Variants in NADSYN1 observed in about 807,000 individuals in gnomAD.
The protein encoded by NADSYN1 is NAD synthetase 1, also known as glutamine-dependent NAD(+) synthetase.
NADSYN1 carries 80 observed loss-of-function variants against 99.3 expected under a neutral mutation model. That is an observed-to-expected ratio of 0.81 (90% CI 0.67 to 0.97). The LOEUF (loss-of-function observed/expected upper bound fraction) is 0.97, where lower values mean the gene tolerates loss of function less well. Ranked by LOEUF, NADSYN1 falls within the 50% of genes least tolerant of loss-of-function variation. NADSYN1 has a pLI of 0.00. For synonymous variants in NADSYN1, 385 were observed against 372.1 expected (o/e 1.03, Z -0.40); for missense variants, 859 against 948.5 (o/e 0.91, Z 1.24).
intron 5 of NADSYN1, among the ~76,000 whole-genome samples, chr11:71,466,021 C>A (rs551912549): frequency 7.2e-5 from 11 of 152,244 alleles, no homozygotes; most frequent in Admixed American, 6.5e-4. Flanking sequence ...ATTTCTGGAG[C>A]AAAATTCTTT....
In NADSYN1 at chr11:71,501,418, G is replaced by A. The variant is rs1173433923; in HGVS notation, c.*66G>A. On this transcript the variant is annotated 3_prime_UTR_variant, in exon 21 of 21. Coordinates refer to ENST00000319023, the MANE Select transcript of NADSYN1 (RefSeq NM_018161.5). ...CAGCACCTCATCATCAGCATTGCTG[G>A]AGCCAAGGGTAGGAGCCCTACACTA... 4.0e-6 allele frequency: 6 copies of A among 1,504,000 alleles called. No homozygotes were observed. The highest frequency in any genetic ancestry group is 3.4e-4 in the Middle Eastern group (2 of 5,870). The allele number at this position is 1,504,000 out of a possible 1,614,324, so 93.2% of individuals were successfully genotyped here. A position where few individuals can be genotyped will look rare whatever the true frequency, so the allele number is the denominator to read the frequency against.
chr11:71,473,207 G>A lies in NADSYN1; in HGVS notation c.460-71G>A, dbSNP rs923893277. Reference sequence around the variant, plus strand: ...CTCTTGTGGCTGCAGGATGTCCGTGGCCCTAGGTAGTGCGTGGCCCAGACA... The same window carrying A: ...CTCTTGTGGCTGCAGGATGTCCGTGACCCTAGGTAGTGCGTGGCCCAGACA... On this transcript the variant is annotated intron_variant, in intron 6 of 20. Transcript: ENST00000319023. 9 of 1,412,896 alleles carry A rather than the reference G, an allele frequency of 6.4e-6. No homozygotes were observed. In the African/African-American group the frequency reaches 1.3e-4, roughly 20 times the overall value. The allele number at this position is 1,412,896 out of a possible 1,614,324, so 87.5% of individuals were successfully genotyped here.
chr11:71,501,194 A>T, intron 20 of NADSYN1, 108 bp from the exon 21 acceptor site: 1 of 1,064,428 alleles, frequency 9.4e-7, no homozygotes. Context: ...CTGGTAATTT[A>T]CTTTTTCACC....
In NADSYN1 at chr11:71,477,485, G is replaced by T. The variant is rs112057460; in HGVS notation, c.799-910G>T. 1.3e-5 allele frequency: 17 copies of T among 1,276,958 alleles called. No individual in the cohort carries two copies. The East Asian group carries it at 2.2e-4, about 17-fold the overall frequency. The allele number at this position is 1,276,958 out of a possible 1,614,324, so 79.1% of individuals were successfully genotyped here. On this transcript the variant is annotated intron_variant, in intron 9 of 20. Coordinates refer to ENST00000319023, the MANE Select transcript of NADSYN1 (RefSeq NM_018161.5). ...GTAGGAGCAAGGGGCGCGCAAGGTG[G>T]CCACGGCCATCCTGTGAACCGCCGC...
intron 13 of NADSYN1, 78 bp from the exon 14 acceptor site, chr11:71,482,771 G>T (rs1323514276): frequency 2.0e-6 from 3 of 1,510,140 alleles, no homozygotes; most frequent in Non-Finnish European, 2.7e-6. Context: ...GCACCTGGGG[G>T]TGTAGACCGG....
intron 5 of NADSYN1, chr11:71,466,695 C>G (rs1458429728): frequency 6.6e-6 from 1 of 152,284 alleles, no homozygotes; most frequent in African/African-American, 2.4e-5. Flanking sequence ...CCACTCACTC[C>G]TTTGCTGCTT....
chr11:71,463,294 C>T (rs1191498972), intron 3 of NADSYN1, 138 bp from the exon 4 acceptor site: 5 of 736,110 alleles, frequency 6.8e-6, no homozygotes, highest in Non-Finnish European at 1.1e-5. Flanking sequence ...ACAGAAGAGC[C>T]TTGCAGTTCT....
rs955067534 is a variant in NADSYN1 at position 71,490,738 on chromosome 11, A to G, written c.1563-107A>G. Reference sequence around the variant, plus strand: ...CTTCTCCGGGATGCTTGAATATGCCACACTTCTGGCTTCAGGGCCCCTGGA... The same window carrying G: ...CTTCTCCGGGATGCTTGAATATGCCGCACTTCTGGCTTCAGGGCCCCTGGA... On this transcript the variant is annotated intron_variant, in intron 16 of 20. Coordinates refer to ENST00000319023, the MANE Select transcript of NADSYN1 (RefSeq NM_018161.5). 4.7e-6 allele frequency: 7 copies of G among 1,487,106 alleles called. No individual in the cohort carries two copies. The African/African-American group carries it at 8.4e-5, about 18-fold the overall frequency. 92.1% of individuals were successfully genotyped at this position (1,487,106 alleles called of 1,614,324 possible). A position where few individuals can be genotyped will look rare whatever the true frequency, so the allele number is the denominator to read the frequency against.
At chr11:71,461,228 C>T (rs1188064249) in intron 3 of NADSYN1, among the ~76,000 whole-genome samples, 2 of 152,068 alleles carry the variant, frequency 1.3e-5, no homozygotes, top group Non-Finnish European at 2.9e-5. Flanking sequence ...TAGTTTGTTT[C>T]TGAGTTTGTT....
At chr11:71,484,865 G>A (rs1385307381) in intron 15 of NADSYN1, 1 of 201,152 alleles carries the variant, frequency 5.0e-6, no homozygotes, top group Non-Finnish European at 1.0e-5. Flanking sequence ...GCTTGTGAGT[G>A]CTTGTGCAAA....
intron 3 of NADSYN1, chr11:71,461,034 C>G (rs1949547004): frequency 6.6e-6 from 1 of 152,168 alleles, no homozygotes; most frequent in Admixed American, 6.5e-5. Context: ...TCAATAGTTA[C>G]CTGGTTTTTT....
In NADSYN1 at chr11:71,480,869, G is replaced by A. The variant is rs1949702085; in HGVS notation, c.988G>A (p.Glu330Lys). ...PIEWKYHSPEEEISLGPACWL... is the reference protein window; with the variant it reads ...PIEWKYHSPEKEISLGPACWL... ...CGAGTGGAAATACCACAGCCCTGAG[G>A]AGGAGATAAGGTGTGTGGCCCCTGA... The change falls in exon 11 of 21, where the codon GAG becomes AAG. Residue 330 changes from glutamate (E) to lysine (K), a missense_variant. Transcript: ENST00000319023. The A allele has an allele frequency of 1.9e-6, 3 of 1,614,106 alleles. No homozygotes were observed. The East Asian group carries it at 6.7e-5, about 36-fold the overall frequency.
In NADSYN1 at chr11:71,464,867, C is replaced by CAAA. The variant is rs926724365; in HGVS notation, c.407+749_407+751dup. On this transcript the variant is annotated intron_variant, in intron 5 of 20. Transcript: ENST00000319023. ...TGAGCAACAGAGCGAGACTCTGTCT[C>CAAA]AAAAAAAAAAAAAAAAAAAAAAAAA... 3.1e-3 allele frequency among the ~76,000 whole-genome samples: 124 copies of CAAA among 40,508 alleles called. 6 individuals carry two copies. The highest frequency in any genetic ancestry group is 5.6e-3 in the Non-Finnish European group (109 of 19,604). The allele number at this position is 40,508 out of a possible 152,430, so 26.6% of individuals were successfully genotyped here. A position where few individuals can be genotyped will look rare whatever the true frequency, so the allele number is the denominator to read the frequency against.
intron 16 of NADSYN1, among the ~76,000 whole-genome samples, chr11:71,489,620 G>A (rs1384767703): frequency 6.6e-6 from 1 of 152,258 alleles, no homozygotes; most frequent in East Asian, 1.9e-4. Flanking sequence ...TGCTGAAGGA[G>A]CTTTGGACGG....
intron 5 of NADSYN1, among the ~76,000 whole-genome samples, chr11:71,468,460 C>G (rs1391219853): frequency 6.6e-6 from 1 of 151,906 alleles, no homozygotes; most frequent in Admixed American, 6.6e-5. Context: ...AGTTGAGAGA[C>G]ACAGAAAATT....
intron 18 of NADSYN1, among the ~76,000 whole-genome samples, chr11:71,492,850 G>A (rs1298971820): frequency 6.6e-6 from 1 of 151,922 alleles, no homozygotes; most frequent in Non-Finnish European, 1.5e-5. Flanking sequence ...CATGAACATG[G>A]GACATGGAAT....
At position 71,496,013 on chromosome 11, in the gene NADSYN1, C is replaced by T. The variant is rs151002007; in HGVS notation, c.1765-1470C>T. Among the ~76,000 whole-genome samples, 39 of 152,336 alleles carry T rather than the reference C, an allele frequency of 2.6e-4. 1 individual carries two copies. In the East Asian group the frequency reaches 7.3e-3, roughly 29 times the overall value. On this transcript the variant is annotated intron_variant, in intron 18 of 20. Coordinates refer to ENST00000319023, the MANE Select transcript of NADSYN1 (RefSeq NM_018161.5). ...TGATACCAGCGGCACCCTGTGGCCT[C>T]CAACATGGCCCAGATTTCAGTGAGC...
chr11:71,481,171 G>C (rs1481812215), intron 11 of NADSYN1, 185 bp from the exon 12 acceptor site: 2 of 698,474 alleles, frequency 2.9e-6, no homozygotes, highest in South Asian at 1.7e-5. Flanking sequence ...TAATACCCAC[G>C]TCCTGGGTCT....
In NADSYN1 at chr11:71,501,698, G is replaced by A. The variant is rs1182383912; in HGVS notation, c.*346G>A. 1 of 308,610 alleles carries A rather than the reference G, an allele frequency of 3.2e-6. No homozygotes were observed. The highest frequency in any genetic ancestry group is 2.2e-5 in the African/African-American group (1 of 46,160). The allele number at this position is 308,610 out of a possible 1,614,324, so 19.1% of individuals were successfully genotyped here. Reference sequence around the variant, plus strand: ...GAACAAGAACAGTAGCTCCCGGGAAGGGAGGGGTGTCATGAGCAGAAAATG... The same window carrying A: ...GAACAAGAACAGTAGCTCCCGGGAAAGGAGGGGTGTCATGAGCAGAAAATG... On this transcript the variant is annotated 3_prime_UTR_variant, in exon 21 of 21. Coordinates refer to ENST00000319023, the MANE Select transcript of NADSYN1 (RefSeq NM_018161.5).
Sources: allele counts gnomAD v4.1 joint callset (sites outside exome capture counted in the v4.1 genomes callset), GRCh38; gene constraint gnomAD v4.1.1; transcripts MANE v1.5; gene names NCBI Gene and HGNC (gene_info 2026-07-23, HGNC 2026-07-21).